The following ERBB4 variants were observed in gnomAD, a reference collection of about 807,000 sequenced individuals.
The protein encoded by ERBB4 is erb-b2 receptor tyrosine kinase 4.
ERBB4 carries 42 observed loss-of-function variants against 158.0 expected under a neutral mutation model. That is an observed-to-expected ratio of 0.27 (90% CI 0.21 to 0.34). The LOEUF is 0.34. Ranked by LOEUF, ERBB4 falls within the 10% of genes least tolerant of loss-of-function variation. The pLI is 1.00. For synonymous variants in ERBB4, 583 were observed against 558.7 expected, an observed-to-expected ratio of 1.04 and a Z score of -0.61; for missense variants, 1,333 against 1,624.1, an observed-to-expected ratio of 0.82 and a Z score of 3.08.
At chr2:212,028,623 C>T (rs10932415) in intron 2 of ERBB4, among the ~76,000 whole-genome samples, 128,860 of 152,062 alleles carry the variant, frequency 0.85, 56,054 homozygotes, top group East Asian at 1. Flanking sequence ...ACAGACTGCA[C>T]GCAGGCAAAA....
chr2:211,810,801 T>C (rs1207081656), intron 3 of ERBB4, among the ~76,000 whole-genome samples: 1 of 151,646 alleles, frequency 6.6e-6, no homozygotes, highest in Non-Finnish European at 1.5e-5. Context: ...GTCTCCCGAG[T>C]AGCTGGGACT....
At chr2:211,458,258 A>C (rs1192994559) in intron 20 of ERBB4, among the ~76,000 whole-genome samples, 9 of 151,996 alleles carry the variant, frequency 5.9e-5, no homozygotes, top group African/African-American at 1.9e-4. Context: ...ATGAGAGACA[A>C]GACAATGAAT....
At chr2:212,141,697 C>T (rs1454224019) in intron 1 of ERBB4, among the ~76,000 whole-genome samples, 1 of 151,934 alleles carries the variant, frequency 6.6e-6, no homozygotes, top group African/African-American at 2.4e-5. Context: ...GCCACAAAAC[C>T]ATATGCAAAT....
chr2:211,954,272 G>A lies in ERBB4; in HGVS notation c.235-6656C>T, dbSNP rs375730600. On this transcript the variant is annotated intron_variant, in intron 2 of 27. Transcript: ENST00000342788. The stretch of plus-strand genomic sequence containing the variant: ...TTCCTAAATATTTAATAAGTGTTTA[G>A]AATGATTTTATGCACATTAAAAGCA... Among the ~76,000 whole-genome samples, 15 of 152,064 alleles carry A rather than the reference G, an allele frequency of 9.9e-5. No individual in the cohort carries two copies. The East Asian group carries it at 2.1e-3, about 22-fold the overall frequency.
intron 17 of ERBB4, among the ~76,000 whole-genome samples, 191 bp downstream of exon 17, chr2:211,630,271 C>G (rs1417120686): frequency 6.6e-6 from 1 of 152,188 alleles, no homozygotes. Flanking sequence ...CCATCTACCC[C>G]CTTGAAGCCT....
At chr2:211,775,383 C>G (rs754604823) in intron 4 of ERBB4, among the ~76,000 whole-genome samples, 17 of 152,156 alleles carry the variant, frequency 1.1e-4, no homozygotes, top group Non-Finnish European at 2.1e-4. Flanking sequence ...CTTGATATAG[C>G]TCTTCCATCT....
intron 25 of ERBB4, among the ~76,000 whole-genome samples, chr2:211,403,129 C>T (rs1413281830): frequency 3.9e-5 from 6 of 152,088 alleles, no homozygotes; most frequent in Admixed American, 3.9e-4. Flanking sequence ...TCTGGCTCCA[C>T]AAAACCTGGA....
At chr2:212,459,872 A>G (rs1448114210) in intron 1 of ERBB4, among the ~76,000 whole-genome samples, 2 of 152,184 alleles carry the variant, frequency 1.3e-5, no homozygotes, top group Non-Finnish European at 2.9e-5. Flanking sequence ...TTGCTGGAAA[A>G]ACTGGATACC....
At chr2:211,573,039 T>C (rs745333175) in intron 19 of ERBB4, among the ~76,000 whole-genome samples, 3 of 152,190 alleles carry the variant, frequency 2.0e-5, no homozygotes, top group African/African-American at 4.8e-5. Flanking sequence ...GGAAAAGGTC[T>C]GTGCAGATAT....
At chr2:211,603,070 A>C (rs890704078) in intron 19 of ERBB4, among the ~76,000 whole-genome samples, 5 of 152,060 alleles carry the variant, frequency 3.3e-5, no homozygotes, top group African/African-American at 9.7e-5. Context: ...ATCTCTACTA[A>C]AAATACAAAA....
intron 2 of ERBB4, among the ~76,000 whole-genome samples, chr2:212,006,874 C>A (rs1406979853): frequency 6.6e-6 from 1 of 151,872 alleles, no homozygotes; most frequent in Non-Finnish European, 1.5e-5. Context: ...GCTGGACATC[C>A]CTTTACATTT....
At chr2:211,558,676 C>G (rs2125714333) in intron 20 of ERBB4, among the ~76,000 whole-genome samples, 1 of 152,092 alleles carries the variant, frequency 6.6e-6, no homozygotes, top group African/African-American at 2.4e-5. Context: ...ACAACACAAA[C>G]TCACAAAACT....
intron 19 of ERBB4, among the ~76,000 whole-genome samples, chr2:211,583,288 T>C (rs941049269): frequency 2.0e-5 from 3 of 151,998 alleles, no homozygotes; most frequent in African/African-American, 7.2e-5. Flanking sequence ...TTTAATTTCA[T>C]AAATTTTCAT....
At chr2:212,083,919 C>T (rs1175017660) in intron 2 of ERBB4, among the ~76,000 whole-genome samples, 1 of 31,708 alleles carries the variant, frequency 3.2e-5, no homozygotes. Flanking sequence ...ATGGATTGTT[C>T]ACAGGAAAAA....
chr2:211,801,132 G>A (rs2076489968), intron 3 of ERBB4, among the ~76,000 whole-genome samples: 1 of 151,902 alleles, frequency 6.6e-6, no homozygotes, highest in Non-Finnish European at 1.5e-5. Flanking sequence ...TTCACATAAA[G>A]AAAGCAAAAG....
chr2:212,170,813 A>G (rs903865634), intron 1 of ERBB4, among the ~76,000 whole-genome samples: 1 of 152,132 alleles, frequency 6.6e-6, no homozygotes, highest in East Asian at 1.9e-4. Context: ...GGATGTATGG[A>G]AACACCTGGA....
At chr2:211,548,829 T>C (rs897632084) in intron 20 of ERBB4, among the ~76,000 whole-genome samples, 6 of 152,128 alleles carry the variant, frequency 3.9e-5, no homozygotes, top group African/African-American at 1.4e-4. Context: ...GGTTCGGTTA[T>C]ATTTGTTTCG....
At chr2:211,973,489 C>T (rs908242745) in intron 2 of ERBB4, among the ~76,000 whole-genome samples, 3 of 152,166 alleles carry the variant, frequency 2.0e-5, no homozygotes, top group Non-Finnish European at 2.9e-5. Context: ...GCATGAGCCA[C>T]CGTGCCCAGC....
chr2:211,851,593 C>G (rs896614462), intron 3 of ERBB4, among the ~76,000 whole-genome samples: 4 of 151,810 alleles, frequency 2.6e-5, no homozygotes, highest in Non-Finnish European at 5.9e-5. Context: ...AGTTGAAGAG[C>G]ATATTTGCTG....
Sources: gnomAD v4.1 joint callset for allele counts (sites outside exome capture counted in the v4.1 genomes callset) on GRCh38, gnomAD v4.1.1 for gene constraint, MANE v1.5 for transcripts, NCBI Gene and HGNC (gene_info 2026-07-23, HGNC 2026-07-21) for gene names.